Variants in CYFIP1 observed in about 807,000 individuals in gnomAD.
CYFIP1 encodes cytoplasmic FMR1 interacting protein 1.
In CYFIP1, 58 loss-of-function variants were observed where a neutral mutation model predicts 163.5. The ratio of observed to expected loss-of-function variants is 0.35; its 90% CI spans 0.29 to 0.44. The LOEUF (loss-of-function observed/expected upper bound fraction) is 0.44, where lower values mean the gene tolerates loss of function less well. Among genes scored for constraint, CYFIP1 ranks in the 20% least tolerant of loss-of-function variants. CYFIP1 has a pLI of 1.00. For synonymous variants in CYFIP1, 663 were observed against 660.7 expected (o/e 1.00, Z -0.05); for missense variants, 1,338 against 1,653.8 (o/e 0.81, Z 3.31).
At chr15:22,921,799 C>A (rs1443260342) in intron 13 of CYFIP1, among the ~76,000 whole-genome samples, 1 of 147,270 alleles carries the variant, frequency 6.8e-6, no homozygotes, top group African/African-American at 2.5e-5. Context: ...GCACGAGTTA[C>A]CAGCATTAAG....
chr15:22,898,122 C>T (rs921142512), intron 22 of CYFIP1, among the ~76,000 whole-genome samples: 1 of 152,190 alleles, frequency 6.6e-6, no homozygotes, highest in African/African-American at 2.4e-5. Context: ...GGGCTCACCT[C>T]ACTTGCTTCC....
intron 9 of CYFIP1, among the ~76,000 whole-genome samples, chr15:22,934,485 CTT>C (rs35881374): frequency 0.22 from 10,913 of 49,374 alleles, 1,814 homozygotes; most frequent in Middle Eastern, 0.27. Context: ...GCACCCAGCC[CTT>C]TTTTTTTTTT....
chr15:22,953,243 G>A (rs1485336418), intron 1 of CYFIP1, among the ~76,000 whole-genome samples: 2 of 152,104 alleles, frequency 1.3e-5, no homozygotes, highest in Non-Finnish European at 2.9e-5. Flanking sequence ...CAGCGTGGGG[G>A]CCCTGGCGGT....
Position 22,867,343 on chromosome 15 carries a change from T to TAAG in CYFIP1, c.*2682_*2684dup, listed in dbSNP as rs139078551. ...TTGGTTTTATTTTTGAAATATTTAT[T>TAAG]AAGGGAAAACTAAGTTACTGAATGA... On this transcript the variant is annotated 3_prime_UTR_variant, in exon 31 of 31. Transcript: ENST00000617928. 738 of 395,988 alleles carry TAAG rather than the reference T, an allele frequency of 1.9e-3. 3 individuals carry two copies. Among genetic ancestry groups the TAAG allele is most frequent in the African/African-American group, 0.013 (618 of 48,664 alleles). The allele number at this position is 395,988 out of a possible 1,614,324, so 24.5% of individuals were successfully genotyped here. A position where few individuals can be genotyped will look rare whatever the true frequency, so the allele number is the denominator to read the frequency against.
chr15:22,875,883 A>ACC (rs1282559479), intron 26 of CYFIP1, among the ~76,000 whole-genome samples: 2 of 41,038 alleles, frequency 4.9e-5, no homozygotes, highest in African/African-American at 2.3e-4. Flanking sequence ...TCTCCAGAAT[A>ACC]ACATATATAT....
chr15:22,930,622 T>C (rs2061509310), intron 11 of CYFIP1, among the ~76,000 whole-genome samples: 1 of 151,998 alleles, frequency 6.6e-6, no homozygotes, highest in Non-Finnish European at 1.5e-5. Context: ...TGTGTTTGGG[T>C]CTTCATTTTT....
At chr15:22,953,091 A>G (rs1397438136) in intron 1 of CYFIP1, among the ~76,000 whole-genome samples, 1 of 152,242 alleles carries the variant, frequency 6.6e-6, no homozygotes, top group Admixed American at 6.5e-5. Flanking sequence ...CCGTCCGTGC[A>G]TCTTCCATAG....
At chr15:22,890,309 CAAA>C (rs916023349) in intron 23 of CYFIP1, among the ~76,000 whole-genome samples, 6 of 81,486 alleles carry the variant, frequency 7.4e-5, no homozygotes, top group African/African-American at 1.4e-4. Context: ...GACTCCATCT[CAAA>C]AAAAAAAAAA....
intron 1 of CYFIP1, among the ~76,000 whole-genome samples, chr15:22,952,634 G>A (rs959614831): frequency 2.1e-4 from 24 of 113,022 alleles, no homozygotes; most frequent in African/African-American, 5.5e-4. Context: ...CAACCCCAGC[G>A]ACAGAGTGAG....
At chr15:22,949,536 A>ACG (rs1193995511) in intron 1 of CYFIP1, among the ~76,000 whole-genome samples, 2 of 152,314 alleles carry the variant, frequency 1.3e-5, no homozygotes, top group Admixed American at 1.3e-4. Flanking sequence ...AGGACACACA[A>ACG]CGACCCCACA....
chr15:22,883,511 T>A lies in CYFIP1; in HGVS notation c.2677-500A>T, dbSNP rs1190384372. ...TAGAGAAATACCCAAGACTGCATAATTTATTTTAAAAAAAAGCAGGTTTAG... is the reference window on the plus strand; with the variant it reads ...TAGAGAAATACCCAAGACTGCATAAATTATTTTAAAAAAAAGCAGGTTTAG... On this transcript the variant is annotated intron_variant, in intron 23 of 30. Coordinates refer to ENST00000617928, the MANE Select transcript of CYFIP1 (RefSeq NM_014608.6). Among the ~76,000 whole-genome samples the A allele has an allele frequency of 2.0e-5, 3 of 152,062 alleles. No homozygotes were observed. In the South Asian group the frequency reaches 6.2e-4, roughly 31 times the overall value.
At chr15:22,963,464 T>C (rs1375537978) in intron 1 of CYFIP1, among the ~76,000 whole-genome samples, 1 of 147,588 alleles carries the variant, frequency 6.8e-6, no homozygotes, top group Non-Finnish European at 1.5e-5. Context: ...CACTCCAGCC[T>C]GGGCAACAAG....
At chr15:22,903,574 G>C in intron 22 of CYFIP1, 132 bp downstream of exon 22, 2 of 940,396 alleles carry the variant, frequency 2.1e-6, no homozygotes, top group South Asian at 1.5e-5. Flanking sequence ...GGGCCTGCGT[G>C]CTCTTCATGT....
Position 22,917,016 on chromosome 15 carries a change from C to T in CYFIP1, c.1675-386G>A, listed in dbSNP as rs184171331. 3.0e-5 allele frequency: 46 copies of T among 1,547,748 alleles called. No homozygotes were observed. In the East Asian group the frequency reaches 6.9e-4, roughly 23 times the overall value. On this transcript the variant is annotated intron_variant, in intron 15 of 30. Coordinates refer to ENST00000617928, the MANE Select transcript of CYFIP1 (RefSeq NM_014608.6). The surrounding 1 kb of genome is among the most constrained non-coding windows in gnomAD (Gnocchi z 4.2). Reference sequence around the variant, plus strand: ...AGAGCCCAAGGACTCGGCCATGGTGCGCACCAGGTAGAGCTAGACACGGAC... The same window carrying T: ...AGAGCCCAAGGACTCGGCCATGGTGTGCACCAGGTAGAGCTAGACACGGAC...
chr15:22,917,076 C>A lies in CYFIP1; in HGVS notation c.1675-446G>T. On this transcript the variant is annotated intron_variant, in intron 15 of 30. Coordinates refer to ENST00000617928, the MANE Select transcript of CYFIP1 (RefSeq NM_014608.6). This position sits in a 1 kb window ranked among gnomAD's most constrained non-coding sequence, Gnocchi z 4.2. Reference sequence around the variant, plus strand: ...GGAGAGGCAGGAGAGAGACGTTAGTCACTCGACACACACACCCCAGGCAGG... The same window carrying A: ...GGAGAGGCAGGAGAGAGACGTTAGTAACTCGACACACACACCCCAGGCAGG... The A allele has an allele frequency of 6.7e-7, 1 of 1,484,704 alleles. No homozygotes were observed. Among genetic ancestry groups the A allele is most frequent in the South Asian group, 1.4e-5 (1 of 72,664 alleles). 92.0% of individuals were successfully genotyped at this position (1,484,704 alleles called of 1,614,324 possible). A position where few individuals can be genotyped will look rare whatever the true frequency, so the allele number is the denominator to read the frequency against.
At chr15:22,924,419 A>G (rs1341069275) in intron 13 of CYFIP1, among the ~76,000 whole-genome samples, 2 of 152,174 alleles carry the variant, frequency 1.3e-5, no homozygotes, top group Admixed American at 1.3e-4. Flanking sequence ...GCAAGGCTCC[A>G]TCTTAAGAAA....
At chr15:22,934,911 C>A (rs2061667413) in intron 9 of CYFIP1, among the ~76,000 whole-genome samples, 2 of 152,022 alleles carry the variant, frequency 1.3e-5, no homozygotes, top group Admixed American at 1.3e-4. Flanking sequence ...ATGTGCAAGA[C>A]CTCTAAACAA....
At chr15:22,910,129 CTAGCTAGCTA>C (rs2142056693) in intron 20 of CYFIP1, among the ~76,000 whole-genome samples, 1 of 152,250 alleles carries the variant, frequency 6.6e-6, no homozygotes, top group South Asian at 2.1e-4. Flanking sequence ...ATATCTAAAC[CTAGCTAGCTA>C]TAAGAAATCT....
chr15:22,872,022 G>A (rs145783493), intron 30 of CYFIP1, among the ~76,000 whole-genome samples: 21 of 152,216 alleles, frequency 1.4e-4, no homozygotes, highest in African/African-American at 4.1e-4. Context: ...AGGGCTGGGC[G>A]CGCCTGTAAT....
Sources: allele counts gnomAD v4.1 joint callset (sites outside exome capture counted in the v4.1 genomes callset), GRCh38; gene constraint gnomAD v4.1.1; non-coding constraint Gnocchi (gnomAD v3.1); transcripts MANE v1.5; gene names NCBI Gene and HGNC (gene_info 2026-07-23, HGNC 2026-07-21).